The following TRIM2 variants were observed in gnomAD, a reference collection of about 807,000 sequenced individuals.
TRIM2 encodes tripartite motif containing 2, also known as tripartite motif-containing protein 2.
Under a neutral mutation model 75.2 loss-of-function variants are expected in TRIM2, and 20 were observed. That is an observed-to-expected ratio of 0.27 (90% CI 0.19 to 0.39). The LOEUF (loss-of-function observed/expected upper bound fraction) is 0.39. TRIM2 is among the 10% of genes least tolerant of loss of function. The pLI is 1.00. For synonymous variants in TRIM2, 373 were observed against 388.3 expected, an observed-to-expected ratio of 0.96 and a Z score of 0.46; for missense variants, 660 against 990.8, an observed-to-expected ratio of 0.67 and a Z score of 4.48.
intron 1 of TRIM2, among the ~76,000 whole-genome samples, chr4:153,195,088 C>T (rs900469007): frequency 4.6e-5 from 7 of 152,194 alleles, no homozygotes; most frequent in Non-Finnish European, 8.8e-5. Flanking sequence ...AGATAAAAAT[C>T]ATCCTGGATT....
intron 3 of TRIM2, among the ~76,000 whole-genome samples, chr4:153,280,803 G>A (rs1670723684): frequency 6.6e-6 from 1 of 152,030 alleles, no homozygotes; most frequent in Admixed American, 6.6e-5. Flanking sequence ...TCCTGCCTCA[G>A]CCGCCCGAGT....
chr4:153,200,730 T>A (rs373254418), upstream of TRIM2, among the ~76,000 whole-genome samples: 19,753 of 138,184 alleles, frequency 0.14, 1,609 homozygotes, highest in African/African-American at 0.23. Flanking sequence ...AAAAAATATA[T>A]ATATATATAT....
At chr4:153,172,467 A>G (rs1274192944) in intron 1 of TRIM2, among the ~76,000 whole-genome samples, 2 of 152,112 alleles carry the variant, frequency 1.3e-5, no homozygotes, top group South Asian at 2.1e-4. Context: ...GATTACAGGC[A>G]TGAGCCACTA....
At chr4:153,252,698 C>T (rs766695165) in intron 1 of TRIM2, among the ~76,000 whole-genome samples, 11 of 152,092 alleles carry the variant, frequency 7.2e-5, no homozygotes, top group South Asian at 2.1e-4. Flanking sequence ...TTATTAGTGA[C>T]GGGGTTTCAC....
At position 153,338,274 on chromosome 4, in the gene TRIM2, A is replaced by C; in HGVS notation, c.*3308A>C. The C allele has an allele frequency of 1.0e-6, 1 of 985,900 alleles. No individual in the cohort carries two copies. Among genetic ancestry groups the C allele is most frequent in the Non-Finnish European group, 1.2e-6 (1 of 829,932 alleles). 61.1% of individuals were successfully genotyped at this position (985,900 alleles called of 1,614,324 possible). On this transcript the variant is annotated 3_prime_UTR_variant, in exon 12 of 12. Coordinates refer to ENST00000338700, the MANE Select transcript of TRIM2 (RefSeq NM_015271.5). ...ACCTACTTAGTTAATTGGAGGAAGT[A>C]GTAAATAAACATTAGGTAATCTGCA...
At chr4:153,212,961 T>C (rs1424409314) in intron 1 of TRIM2, among the ~76,000 whole-genome samples, 1 of 152,234 alleles carries the variant, frequency 6.6e-6, no homozygotes, top group East Asian at 1.9e-4. Context: ...CTTTGTTCAG[T>C]TCATCTCCTA....
intron 6 of TRIM2, among the ~76,000 whole-genome samples, chr4:153,300,582 G>T (rs369460781): frequency 6.6e-6 from 1 of 151,486 alleles, no homozygotes; most frequent in Admixed American, 6.6e-5. Flanking sequence ...TTACTCTGTC[G>T]CCAGGCTGGT....
At chr4:153,249,923 C>G (rs958529326) in intron 1 of TRIM2, among the ~76,000 whole-genome samples, 2 of 152,112 alleles carry the variant, frequency 1.3e-5, no homozygotes, top group African/African-American at 4.8e-5. Context: ...CGGGTATACT[C>G]AAGATAGATA....
chr4:153,178,720 G>T (rs963244287), intron 1 of TRIM2, among the ~76,000 whole-genome samples: 1 of 152,090 alleles, frequency 6.6e-6, no homozygotes, highest in Non-Finnish European at 1.5e-5. Flanking sequence ...TACTTTAAAG[G>T]CTCTGAGAGG....
chr4:153,165,901 A>G (rs1560779290), intron 1 of TRIM2, among the ~76,000 whole-genome samples: 1 of 152,142 alleles, frequency 6.6e-6, no homozygotes, highest in Non-Finnish European at 1.5e-5. Context: ...TCTTTTAAAT[A>G]TGGAAATGTA....
At chr4:153,329,759 C>T (rs937340834) in intron 11 of TRIM2, among the ~76,000 whole-genome samples, 1 of 151,812 alleles carries the variant, frequency 6.6e-6, no homozygotes, top group Non-Finnish European at 1.5e-5. Context: ...ATCGCTTGAA[C>T]CCAGGAGGAA....
intron 1 of TRIM2, among the ~76,000 whole-genome samples, chr4:153,180,863 C>A (rs562161311): frequency 6.6e-6 from 1 of 152,354 alleles, no homozygotes; most frequent in South Asian, 2.1e-4. Flanking sequence ...AGCACTCCAT[C>A]CACCCATCCA....
At chr4:153,308,549 C>T in intron 6 of TRIM2, 5 of 712,060 alleles carry the variant, frequency 7.0e-6, no homozygotes, top group South Asian at 6.8e-5. Context: ...TAGGTGAAGG[C>T]AATATCCTGT....
chr4:153,195,175 A>G (rs925446362), intron 1 of TRIM2, among the ~76,000 whole-genome samples: 4 of 152,246 alleles, frequency 2.6e-5, no homozygotes, highest in East Asian at 3.8e-4. Context: ...AGGGAAGGCC[A>G]TGTGAAGACA....
chr4:153,199,116 T>C (rs1035693699), intron 1 of TRIM2, among the ~76,000 whole-genome samples: 1 of 152,122 alleles, frequency 6.6e-6, no homozygotes, highest in African/African-American at 2.4e-5. Context: ...AGGAAAGAAA[T>C]AGGCCCCGGG....
intron 1 of TRIM2, among the ~76,000 whole-genome samples, chr4:153,256,366 A>G (rs931886281): frequency 6.6e-5 from 10 of 152,222 alleles, no homozygotes; most frequent in African/African-American, 2.4e-4. Context: ...GACTGCGTGG[A>G]AAGAATGTGA....
chr4:153,204,437 T>A, upstream of TRIM2: 45 of 1,464,412 alleles, frequency 3.1e-5, no homozygotes, highest in Non-Finnish European at 4.1e-5. Flanking sequence ...GGCCACCCTT[T>A]AACTCGGCAG....
At chr4:153,269,989 C>T (rs888564187) in intron 1 of TRIM2, among the ~76,000 whole-genome samples, 30 of 151,938 alleles carry the variant, frequency 2.0e-4, no homozygotes, top group African/African-American at 6.8e-4. Flanking sequence ...AGTGCAGTGG[C>T]GCGATCTCAG....
intron 1 of TRIM2, among the ~76,000 whole-genome samples, chr4:153,260,690 A>C (rs78299623): frequency 0.055 from 1,861 of 34,048 alleles, no homozygotes; most frequent in East Asian, 0.082. Context: ...CCACACACCC[A>C]CCCCCCCCCC....
Sources: gnomAD v4.1 joint callset for allele counts (sites outside exome capture counted in the v4.1 genomes callset) on GRCh38, gnomAD v4.1.1 for gene constraint, MANE v1.5 for transcripts, NCBI Gene and HGNC (gene_info 2026-07-23, HGNC 2026-07-21) for gene names.